Variants in DPYD observed in about 807,000 individuals in gnomAD.
DPYD encodes the protein dihydropyrimidine dehydrogenase, also known as dihydropyrimidine dehydrogenase [NADP(+)].
Under a neutral mutation model 116.2 loss-of-function variants are expected in DPYD, and 109 were observed. The observed-to-expected ratio is 0.94, with a 90% CI of 0.80 to 1.10. The LOEUF is 1.10. Among genes scored for constraint, DPYD ranks in the 50% least tolerant of loss-of-function variants. DPYD has a pLI of 0.00. For synonymous variants in DPYD, 440 were observed against 432.0 expected (o/e 1.02, Z -0.23); for missense variants, 1,302 against 1,254.5 (o/e 1.04, Z -0.57).
intron 8 of DPYD, among the ~76,000 whole-genome samples, chr1:97,596,893 G>T (rs990369903): frequency 4.6e-5 from 7 of 152,198 alleles, no homozygotes; most frequent in African/African-American, 1.7e-4. Flanking sequence ...TTTCCATTAT[G>T]TAGTAGCATA....
At position 97,090,182 on chromosome 1, in the gene DPYD, A is replaced by G. The variant is rs569857717; in HGVS notation, c.2767-7712T>C. The stretch of plus-strand genomic sequence containing the variant: ...ATTTAAGGTCCCATGGCTGCAGGTT[A>G]TTACAAGTATGTTTGAATACTGTGC... On this transcript the variant is annotated intron_variant, in intron 21 of 22. Transcript: ENST00000370192. Among the ~76,000 whole-genome samples the G allele has an allele frequency of 2.3e-4, 35 of 152,226 alleles. No individual in the cohort carries two copies. In the South Asian group the frequency reaches 7.0e-3, roughly 31 times the overall value.
intron 19 of DPYD, among the ~76,000 whole-genome samples, chr1:97,208,468 T>C (rs1225816288): frequency 6.6e-6 from 1 of 151,882 alleles, no homozygotes; most frequent in African/African-American, 2.4e-5. Context: ...AATTTTTTTG[T>C]AGAGACAGGG....
intron 20 of DPYD, among the ~76,000 whole-genome samples, chr1:97,192,222 C>G (rs1202187831): frequency 2.6e-5 from 4 of 152,084 alleles, no homozygotes. Flanking sequence ...GTCCCTAACC[C>G]AGTCATCCAA....
intron 8 of DPYD, among the ~76,000 whole-genome samples, chr1:97,647,265 T>C (rs1025651093): frequency 6.6e-6 from 1 of 152,084 alleles, no homozygotes; most frequent in African/African-American, 2.4e-5. Flanking sequence ...TAAATACACA[T>C]ATATTCTTAA....
intron 8 of DPYD, among the ~76,000 whole-genome samples, chr1:97,598,728 C>G (rs1047612075): frequency 1.3e-5 from 2 of 152,024 alleles, no homozygotes; most frequent in African/African-American, 2.4e-5. Context: ...TGCCTGGCCC[C>G]CAGGTGATTA....
At chr1:97,910,942 T>C (rs1285520528) in intron 1 of DPYD, among the ~76,000 whole-genome samples, 1 of 152,094 alleles carries the variant, frequency 6.6e-6, no homozygotes, top group Non-Finnish European at 1.5e-5. Flanking sequence ...TACATTAAAA[T>C]GTTGTTAAAA....
chr1:97,230,477 C>A lies in DPYD; in HGVS notation c.2442+4375G>T, dbSNP rs566435418. 3.3e-5 allele frequency among the ~76,000 whole-genome samples: 5 copies of A among 151,986 alleles called. No homozygotes were observed. In the East Asian group the frequency reaches 9.7e-4, roughly 29 times the overall value. Reference sequence around the variant, plus strand: ...AGAGGGGAATGACACACACTGGGGCCTATGAGAGGGTGAAGGATGGGAGGA... The same window carrying A: ...AGAGGGGAATGACACACACTGGGGCATATGAGAGGGTGAAGGATGGGAGGA... On this transcript the variant is annotated intron_variant, in intron 19 of 22. Coordinates refer to ENST00000370192, the MANE Select transcript of DPYD (RefSeq NM_000110.4).
intron 7 of DPYD, among the ~76,000 whole-genome samples, chr1:97,686,341 A>C (rs1660723693): frequency 6.6e-6 from 1 of 152,046 alleles, no homozygotes; most frequent in South Asian, 2.1e-4. Context: ...AGATGGATTA[A>C]AGACTTACAT....
chr1:97,896,120 A>G (rs1189250000), intron 1 of DPYD, among the ~76,000 whole-genome samples: 2 of 151,756 alleles, frequency 1.3e-5, no homozygotes, highest in Non-Finnish European at 2.9e-5. Context: ...TTAGAGTTGG[A>G]ATGGACTCTT....
At chr1:97,509,646 A>G (rs2101957025) in intron 13 of DPYD, among the ~76,000 whole-genome samples, 1 of 152,096 alleles carries the variant, frequency 6.6e-6, no homozygotes, top group East Asian at 1.9e-4. Flanking sequence ...GGGACCTAGG[A>G]CACACTGGGT....
At chr1:97,779,443 A>G (rs1184213262) in intron 3 of DPYD, among the ~76,000 whole-genome samples, 2 of 152,090 alleles carry the variant, frequency 1.3e-5, no homozygotes, top group Non-Finnish European at 2.9e-5. Context: ...TTACAAGAAG[A>G]CAAAATAAAA....
intron 2 of DPYD, among the ~76,000 whole-genome samples, chr1:97,865,211 G>A (rs1370330228): frequency 6.6e-6 from 1 of 151,802 alleles, no homozygotes; most frequent in Non-Finnish European, 1.5e-5. Flanking sequence ...GATTTTATAG[G>A]AAATTTAAAA....
intron 10 of DPYD, among the ~76,000 whole-genome samples, chr1:97,577,869 C>T (rs1015574291): frequency 2.8e-4 from 42 of 151,382 alleles, no homozygotes; most frequent in African/African-American, 9.2e-4. Flanking sequence ...GACGGAGTTT[C>T]GCTCTGTTGC....
chr1:97,270,765 G>A (rs1194325880), intron 18 of DPYD, among the ~76,000 whole-genome samples: 1 of 152,154 alleles, frequency 6.6e-6, no homozygotes, highest in African/African-American at 2.4e-5. Flanking sequence ...ACAGTTTAAG[G>A]AGAAGTTAGT....
chr1:97,871,222 T>C (rs1279000149), intron 2 of DPYD, among the ~76,000 whole-genome samples: 1 of 151,956 alleles, frequency 6.6e-6, no homozygotes, highest in East Asian at 1.9e-4. Flanking sequence ...TAATACATCA[T>C]ACAATTCCAG....
intron 1 of DPYD, among the ~76,000 whole-genome samples, chr1:97,914,155 T>C (rs1318301221): frequency 6.6e-6 from 1 of 152,064 alleles, no homozygotes; most frequent in Non-Finnish European, 1.5e-5. Flanking sequence ...CTCAAAGAAA[T>C]GAAATTATTA....
At chr1:97,574,128 ATT>A (rs1653103401) in intron 10 of DPYD, among the ~76,000 whole-genome samples, 158 bp from the exon 11 acceptor site, 1 of 152,100 alleles carries the variant, frequency 6.6e-6, no homozygotes, top group Admixed American at 6.6e-5. Context: ...AGTTATTTGC[ATT>A]TTGTAAATCA....
intron 5 of DPYD, chr1:97,720,424 C>A: frequency 1.0e-6 from 1 of 985,986 alleles, no homozygotes; most frequent in Non-Finnish European, 1.2e-6. Flanking sequence ...GATCATACTT[C>A]GTAGTGGTCA....
At chr1:97,449,969 T>C in intron 14 of DPYD, 90 bp downstream of exon 14, 3 of 1,482,848 alleles carry the variant, frequency 2.0e-6, no homozygotes, top group African/African-American at 1.4e-5. Context: ...ATATACACAT[T>C]AATATTTATA....
Sources: gnomAD v4.1 joint callset for allele counts (sites outside exome capture counted in the v4.1 genomes callset) on GRCh38, gnomAD v4.1.1 for gene constraint, MANE v1.5 for transcripts, NCBI Gene and HGNC (gene_info 2026-07-23, HGNC 2026-07-21) for gene names.